Variants in SPTA1 observed in about 807,000 individuals in gnomAD.
SPTA1 encodes spectrin alpha chain, erythrocytic 1.
Under a neutral mutation model 324.7 loss-of-function variants are expected in SPTA1, and 177 were observed. That is an observed-to-expected ratio of 0.55 (90% CI 0.48 to 0.62). The LOEUF (loss-of-function observed/expected upper bound fraction) is 0.62. Among genes scored for constraint, SPTA1 ranks in the 20% least tolerant of loss-of-function variants. SPTA1 has a pLI of 0.00. For missense variants in SPTA1, 3,162 were observed against 2,883.6 expected (o/e 1.10, Z -2.21); for synonymous variants, 1,195 against 1,041.3 (o/e 1.15, Z -2.84).
intron 20 of SPTA1, 33 bp from the exon 21 acceptor site, chr1:158,654,781 G>A (rs200803226): frequency 4.7e-5 from 76 of 1,611,366 alleles, no homozygotes; most frequent in South Asian, 8.8e-5. Context: ...TGTCAGTCAC[G>A]CACTGGAAAT....
At chr1:158,621,958 G>C (rs554104518) in intron 43 of SPTA1, among the ~76,000 whole-genome samples, 1 of 152,154 alleles carries the variant, frequency 6.6e-6, no homozygotes, top group Non-Finnish European at 1.5e-5. Flanking sequence ...TCCATCTCCC[G>C]GGATCACGCC....
chr1:158,662,321 G>C (rs1419102714), intron 17 of SPTA1, among the ~76,000 whole-genome samples: 1 of 152,122 alleles, frequency 6.6e-6, no homozygotes, highest in African/African-American at 2.4e-5. Flanking sequence ...CTTCACCCCT[G>C]CTATTGTCAG....
chr1:158,637,141 T>C (rs1055335439), intron 36 of SPTA1, among the ~76,000 whole-genome samples: 1 of 152,226 alleles, frequency 6.6e-6, no homozygotes, highest in Non-Finnish European at 1.5e-5. Flanking sequence ...CATTTATTAA[T>C]GTCAATAATA....
rs911539183 is a variant in SPTA1, at chr1:158,627,823, C to T, written c.5566-100G>A. The T allele has an allele frequency of 5.8e-6, 7 of 1,206,116 alleles. No homozygotes were observed. The African/African-American group carries it at 1.0e-4, about 18-fold the overall frequency. The allele number at this position is 1,206,116 out of a possible 1,614,324, so 74.7% of individuals were successfully genotyped here. ...GGTCTATTATTCCCTAGGGTTGATT[C>T]AATGAAATTGGCAGACTAGGTGAAT... On this transcript the variant is annotated intron_variant, in intron 39 of 51. Coordinates refer to ENST00000643759, the MANE Select transcript of SPTA1 (RefSeq NM_003126.4).
intron 16 of SPTA1, among the ~76,000 whole-genome samples, 170 bp downstream of exon 16, chr1:158,666,128 ATAATAATTACTTATTAAG>A (rs545320279): frequency 1.1e-4 from 16 of 152,186 alleles, no homozygotes; most frequent in Middle Eastern, 3.4e-3. Context: ...TCTCTGAATA[ATAATAATTACTTATTAAG>A]TAATAATTAC....
intron 36 of SPTA1, among the ~76,000 whole-genome samples, 194 bp downstream of exon 36, chr1:158,637,839 C>T (rs1651199451): frequency 6.6e-6 from 1 of 152,218 alleles, no homozygotes; most frequent in South Asian, 2.1e-4. Context: ...CCACACCTGT[C>T]TTTCTCTGGC....
At chr1:158,680,493 A>T in intron 5 of SPTA1, 90 bp downstream of exon 5, 1 of 1,573,564 alleles carries the variant, frequency 6.4e-7, no homozygotes, top group South Asian at 1.1e-5. Flanking sequence ...ACAATGCCCC[A>T]TCTCCTTCAT....
chr1:158,636,184 A>T, intron 37 of SPTA1, 150 bp from the exon 38 acceptor site: 1 of 1,395,130 alleles, frequency 7.2e-7, no homozygotes, highest in Non-Finnish European at 1.0e-6. Flanking sequence ...TCCAGGGAGA[A>T]TGATGAAAGC....
intron 29 of SPTA1, among the ~76,000 whole-genome samples, 160 bp downstream of exon 29, chr1:158,645,028 G>A (rs1024509233): frequency 8.5e-5 from 13 of 152,106 alleles, no homozygotes; most frequent in African/African-American, 2.7e-4. Context: ...GACAATGATC[G>A]GTATAGAAAG....
intron 42 of SPTA1, 117 bp downstream of exon 42, chr1:158,626,029 G>A (rs966168278): frequency 2.5e-6 from 2 of 815,646 alleles, no homozygotes; most frequent in African/African-American, 1.7e-5. Flanking sequence ...ATTAAGAAGG[G>A]AAAATCTTAC....
intron 36 of SPTA1, 73 bp downstream of exon 36, chr1:158,637,960 T>A (rs1651206243): frequency 1.9e-5 from 29 of 1,510,800 alleles, no homozygotes; most frequent in Non-Finnish European, 2.6e-5. Context: ...CATTTCAGCA[T>A]AAATTGGAAC....
rs1191357160 is a variant in SPTA1 at position 158,639,807 on chromosome 1, A to G, written c.4875+63T>C. ...ATTCAAGGAAATTGCCCATGGGTAA[A>G]TTCATTTGTCTGACAAGTATGTATT... On this transcript the variant is annotated intron_variant, in intron 34 of 51. Transcript: ENST00000643759. 3.1e-6 allele frequency: 5 copies of G among 1,613,084 alleles called. No homozygotes were observed. The African/African-American group carries it at 4.0e-5, about 13-fold the overall frequency.
chr1:158,622,734 T>C (rs1355445886), intron 43 of SPTA1: 2 of 459,506 alleles, frequency 4.4e-6, no homozygotes, highest in Admixed American at 6.8e-5. Flanking sequence ...TCTTGTTCCA[T>C]CCACCTCTTC....
At chr1:158,656,722 T>G in intron 19 of SPTA1, 66 bp from the exon 20 acceptor site, 1 of 1,411,570 alleles carries the variant, frequency 7.1e-7, no homozygotes, top group Non-Finnish European at 1.0e-6. Flanking sequence ...CAACTACTAT[T>G]ATTTTGGGTT....
At chr1:158,674,177 G>A in intron 10 of SPTA1, 152 bp downstream of exon 10, 3 of 878,246 alleles carry the variant, frequency 3.4e-6, no homozygotes, top group Non-Finnish European at 5.5e-6. Flanking sequence ...AACTGTATAT[G>A]AAAGGAAGCA....
intron 35 of SPTA1, among the ~76,000 whole-genome samples, chr1:158,638,973 C>G (rs959670588): frequency 6.6e-6 from 1 of 152,124 alleles, no homozygotes; most frequent in Non-Finnish European, 1.5e-5. Flanking sequence ...TATTCTAACC[C>G]AGCCCCTTAG....
chr1:158,654,690 T>C lies in SPTA1; in HGVS notation c.2957A>G (p.Tyr986Cys). ...VAGEQRVMAL[Y>C]DFQARSPREV... ...TCGGGGGCTGCGGGCCTGGAAGTCA[T>C]ATAAAGCCATGACCCTTTGTTCTCC... Residue 986 changes from tyrosine (Y) to cysteine (C), a missense_variant, in exon 21 of 52, where the codon TAT (tyrosine) becomes TGT (cysteine). Transcript: ENST00000643759. 1 of 1,613,884 alleles carries C rather than the reference T, an allele frequency of 6.2e-7. No individual in the cohort carries two copies.
At position 158,672,042 on chromosome 1, in the gene SPTA1, T is replaced by C. The variant is rs1363270934; in HGVS notation, c.1488+17A>G. 6.2e-7 allele frequency: 1 copy of C among 1,613,726 alleles called. No individual in the cohort carries two copies. On this transcript the variant is annotated intron_variant, in intron 11 of 51. Transcript: ENST00000643759. ...AGAGAAATTACTTCTAGAGATGGTA[T>C]GGACCCCTCCCGTTACCTCTTGTCT...
At chr1:158,636,900 C>T in intron 36 of SPTA1, 139 bp from the exon 37 acceptor site, 1 of 1,458,308 alleles carries the variant, frequency 6.9e-7, no homozygotes, top group Non-Finnish European at 9.4e-7. Context: ...GTGCCAATGA[C>T]CAAAAATATA....
Sources: gnomAD v4.1 joint callset for allele counts (sites outside exome capture counted in the v4.1 genomes callset) on GRCh38, gnomAD v4.1.1 for gene constraint, MANE v1.5 for transcripts, NCBI Gene and HGNC (gene_info 2026-07-23, HGNC 2026-07-21) for gene names.